Variants in MYH10 observed in about 807,000 individuals in gnomAD.
MYH10 encodes myosin-10.
MYH10 carries 55 observed loss-of-function variants against 257.8 expected under a neutral mutation model. The ratio of observed to expected loss-of-function variants is 0.21; its 90% CI spans 0.17 to 0.27. The LOEUF is 0.27. MYH10 is among the 10% of genes least tolerant of loss of function. The probability of loss-of-function intolerance (pLI) is 1.00; values close to 1 mark genes in which losing one functional copy is unlikely to be tolerated. For missense variants in MYH10, 1,631 were observed against 2,500.6 expected (o/e 0.65, Z 7.42); for synonymous variants, 854 against 921.7 (o/e 0.93, Z 1.33).
At chr17:8,610,271 CAAAA>C (rs71361810) in intron 2 of MYH10, among the ~76,000 whole-genome samples, 7 of 45,982 alleles carry the variant, frequency 1.5e-4, no homozygotes, top group African/African-American at 4.1e-4. Flanking sequence ...CATAGGATTG[CAAAA>C]AAAAAAAAAA....
Position 8,500,851 on chromosome 17 carries a change from G to C in MYH10, c.3719C>G (p.Ser1240Ter), listed in dbSNP as rs1415649420. The C allele has an allele frequency of 6.2e-7, 1 of 1,613,534 alleles. No homozygotes were observed. The highest frequency in any genetic ancestry group is 8.5e-7 in the Non-Finnish European group (1 of 1,180,022). Reference protein sequence around the residue: ...QRHATALEELSEQLEQAKRFK... With the variant: ...QRHATALEEL ...CCGCTTGGCCTGTTCCAGCTGCTCTGAGAGCTCCTCCAGGGCTGTTGCGTG... is the reference window on the plus strand; with the variant it reads ...CCGCTTGGCCTGTTCCAGCTGCTCTCAGAGCTCCTCCAGGGCTGTTGCGTG... Residue 1240 changes from serine (S) to a stop codon, truncating the protein, a stop_gained, in exon 29 of 43, where the codon TCA (serine) becomes TGA (stop). Transcript: ENST00000360416. LOFTEE classifies it high-confidence loss of function.
chr17:8,535,748 G>C lies in MYH10; in HGVS notation c.1779+10C>G, dbSNP rs1419637273. On this transcript the variant is annotated intron_variant, in intron 15 of 42. Transcript: ENST00000360416. The surrounding 1 kb of genome is among the most constrained non-coding windows in gnomAD (Gnocchi z 4.3). The stretch of plus-strand genomic sequence containing the variant: ...ATTTTAATCCAGTTATTCAACATAA[G>C]AGCTCTTACCTTCCCTGCATAATGT... The C allele has an allele frequency of 3.1e-6, 5 of 1,608,792 alleles. No individual in the cohort carries two copies. Among genetic ancestry groups the C allele is most frequent in the Non-Finnish European group, 4.2e-6 (5 of 1,176,924 alleles).
chr17:8,521,329 T>C, intron 17 of MYH10, 44 bp from the exon 18 acceptor site: 1 of 1,579,772 alleles, frequency 6.3e-7, no homozygotes, highest in Non-Finnish European at 8.7e-7. Flanking sequence ...CAAACCTCAC[T>C]CGTTAGCAGG....
intron 4 of MYH10, among the ~76,000 whole-genome samples, chr17:8,581,274 GA>G (rs1346362806): frequency 6.6e-6 from 1 of 152,172 alleles, no homozygotes; most frequent in Non-Finnish European, 1.5e-5. Context: ...AACAGTATTA[GA>G]AATACTGAGT....
At chr17:8,479,962 A>T in intron 40 of MYH10, 148 bp downstream of exon 40, 1 of 720,294 alleles carries the variant, frequency 1.4e-6, no homozygotes, top group South Asian at 1.9e-5. Context: ...CTCTTCTCTC[A>T]CAGCTCACAC....
At chr17:8,560,281 A>G (rs1321066728) in intron 7 of MYH10, among the ~76,000 whole-genome samples, 3 of 152,238 alleles carry the variant, frequency 2.0e-5, no homozygotes, top group African/African-American at 7.2e-5. Flanking sequence ...ATATGATAAC[A>G]TTAATACACA....
At chr17:8,590,046 A>G (rs2152047739) in intron 3 of MYH10, among the ~76,000 whole-genome samples, 1 of 152,272 alleles carries the variant, frequency 6.6e-6, no homozygotes, top group South Asian at 2.1e-4. Context: ...CCTAGAAAGG[A>G]ACTGAGCTCA....
intron 17 of MYH10, among the ~76,000 whole-genome samples, chr17:8,523,713 CGA>C (rs1222252532): frequency 4.6e-5 from 7 of 152,002 alleles, no homozygotes; most frequent in Non-Finnish European, 1.0e-4. Flanking sequence ...AGGGTCTAGG[CGA>C]TGAGGGCAGC....
intron 36 of MYH10, among the ~76,000 whole-genome samples, chr17:8,486,047 A>T: frequency 6.6e-6 from 1 of 152,364 alleles, no homozygotes; most frequent in East Asian, 1.9e-4. Flanking sequence ...CTTTGAAAAC[A>T]TCATGCTAAG....
chr17:8,575,213 T>A (rs1449395560), intron 6 of MYH10, among the ~76,000 whole-genome samples: 1 of 152,146 alleles, frequency 6.6e-6, no homozygotes, highest in East Asian at 1.9e-4. Context: ...GCTACTCACA[T>A]ACAACAGGGA....
intron 24 of MYH10, among the ~76,000 whole-genome samples, chr17:8,510,720 A>G (rs984286885): frequency 3.3e-5 from 5 of 152,198 alleles, no homozygotes; most frequent in African/African-American, 9.7e-5. Flanking sequence ...CCAACTATAT[A>G]CATGTTCGGC....
intron 2 of MYH10, among the ~76,000 whole-genome samples, chr17:8,622,285 C>G (rs1471675401): frequency 6.6e-6 from 1 of 152,134 alleles, no homozygotes; most frequent in African/African-American, 2.4e-5. Flanking sequence ...TTATCCCTCT[C>G]TACATTATCC....
chr17:8,484,064 AACT>A (rs1449365129), intron 37 of MYH10, 71 bp downstream of exon 37: 51 of 1,398,652 alleles, frequency 3.6e-5, no homozygotes, highest in Non-Finnish European at 4.9e-5. Flanking sequence ...CAAATATATT[AACT>A]TTTTTTTGAT....
In MYH10 at chr17:8,552,584, A is replaced by T. The variant is rs951415911; in HGVS notation, c.821-440T>A. Among the ~76,000 whole-genome samples the T allele has an allele frequency of 2.6e-5, 4 of 152,232 alleles. No individual in the cohort carries two copies. Among genetic ancestry groups the T allele is most frequent in the Non-Finnish European group, 5.9e-5 (4 of 68,038 alleles). ...AAGCCATGGTATAAGGAAATTAGTC[A>T]AAATAATATAGTTAATAAGTGGTAC... On this transcript the variant is annotated intron_variant, in intron 8 of 42. Transcript: ENST00000360416. This position sits in a 1 kb window ranked among gnomAD's most constrained non-coding sequence, Gnocchi z 4.8.
chr17:8,596,701 T>C (rs957838057), intron 3 of MYH10, among the ~76,000 whole-genome samples: 1 of 148,708 alleles, frequency 6.7e-6, no homozygotes, highest in Non-Finnish European at 1.5e-5. Flanking sequence ...TAGGTCTACC[T>C]GTTACCCTCA....
At chr17:8,521,336 C>T in intron 17 of MYH10, 51 bp from the exon 18 acceptor site, 1 of 1,569,280 alleles carries the variant, frequency 6.4e-7, no homozygotes, top group Non-Finnish European at 8.8e-7. Context: ...CACTCGTTAG[C>T]AGGGAAAGAA....
Position 8,506,734 on chromosome 17 carries a change from C to T in MYH10, c.3215-245G>A, listed in dbSNP as rs951334273. On this transcript the variant is annotated intron_variant, in intron 26 of 42. Coordinates refer to ENST00000360416, the MANE Select transcript of MYH10 (RefSeq NM_001256012.3). This position sits in a 1 kb window ranked among gnomAD's most constrained non-coding sequence, Gnocchi z 5.0. ...AAGAAGTTGAGTGTCCTAAGAATGT[C>T]CTTTCATGGGAGGTGAGACCACACT... is the stretch of plus-strand genomic sequence containing the variant. Among the ~76,000 whole-genome samples, 7 of 151,844 alleles carry T rather than the reference C, an allele frequency of 4.6e-5. No individual in the cohort carries two copies. Among genetic ancestry groups the T allele is most frequent in the African/African-American group, 1.7e-4 (7 of 41,314 alleles).
chr17:8,583,752 T>TACA (rs2083796017), intron 4 of MYH10, among the ~76,000 whole-genome samples: 1 of 152,250 alleles, frequency 6.6e-6, no homozygotes, highest in East Asian at 1.9e-4. Flanking sequence ...TTACTTAATG[T>TACA]AATATTTGTA....
intron 3 of MYH10, among the ~76,000 whole-genome samples, chr17:8,596,877 CAT>C (rs1271196154): frequency 2.6e-5 from 4 of 152,078 alleles, no homozygotes; most frequent in African/African-American, 9.7e-5. Context: ...ATTTTAACAG[CAT>C]ATGAGATCCA....
Sources: gnomAD v4.1 joint callset for allele counts (sites outside exome capture counted in the v4.1 genomes callset) on GRCh38, gnomAD v4.1.1 for gene constraint, Gnocchi (gnomAD v3.1) non-coding constraint, MANE v1.5 for transcripts, NCBI Gene and HGNC (gene_info 2026-07-23, HGNC 2026-07-21) for gene names.